Variants in MARK3 observed in about 807,000 individuals in gnomAD.
MARK3 encodes the protein MAP/microtubule affinity-regulating kinase 3.
Under a neutral mutation model 90.1 loss-of-function variants are expected in MARK3, and 46 were observed. That is an observed-to-expected ratio of 0.51 (90% CI 0.40 to 0.65). MARK3 has a LOEUF of 0.65. Among genes scored for constraint, MARK3 ranks in the 30% least tolerant of loss-of-function variants. The probability of loss-of-function intolerance (pLI) is 0.00; values close to 1 mark genes in which losing one functional copy is unlikely to be tolerated. For synonymous variants in MARK3, 321 were observed against 332.6 expected, an observed-to-expected ratio of 0.97 and a Z score of 0.38; for missense variants, 818 against 947.2, an observed-to-expected ratio of 0.86 and a Z score of 1.79.
chr14:103,399,532 C>G (rs1438915388), intron 1 of MARK3, among the ~76,000 whole-genome samples: 1 of 151,734 alleles, frequency 6.6e-6, no homozygotes, highest in Non-Finnish European at 1.5e-5. Flanking sequence ...CTCGTCTCTA[C>G]TAAAAATACG....
At chr14:103,460,423 G>A (rs561935099) in intron 6 of MARK3, among the ~76,000 whole-genome samples, 1 of 152,102 alleles carries the variant, frequency 6.6e-6, no homozygotes, top group East Asian at 1.9e-4. Context: ...TTGGTGGGCT[G>A]GTAATATTGA....
At chr14:103,391,746 T>A in intron 1 of MARK3, among the ~76,000 whole-genome samples, 1 of 128,230 alleles carries the variant, frequency 7.8e-6, no homozygotes, top group African/African-American at 3.1e-5. Context: ...TTAGTAGAGA[T>A]GGGGTTTCGC....
At chr14:103,399,120 T>C (rs377749170) in intron 1 of MARK3, among the ~76,000 whole-genome samples, 2 of 152,200 alleles carry the variant, frequency 1.3e-5, no homozygotes, top group East Asian at 3.8e-4. Flanking sequence ...TGGAACCATA[T>C]TGATGTTAAA....
At chr14:103,446,545 G>A (rs1371077695) in intron 3 of MARK3, among the ~76,000 whole-genome samples, 1 of 151,826 alleles carries the variant, frequency 6.6e-6, no homozygotes, top group African/African-American at 2.4e-5. Flanking sequence ...TAAACAAACA[G>A]TATGTTCTAG....
intron 3 of MARK3, among the ~76,000 whole-genome samples, chr14:103,439,575 A>T (rs1014404283): frequency 6.6e-6 from 1 of 151,882 alleles, no homozygotes; most frequent in Non-Finnish European, 1.5e-5. Flanking sequence ...CACCCAGCTA[A>T]TTTTTGTATT....
At chr14:103,421,588 A>G (rs1290184942) in intron 2 of MARK3, among the ~76,000 whole-genome samples, 1 of 152,210 alleles carries the variant, frequency 6.6e-6, no homozygotes, top group Admixed American at 6.5e-5. Context: ...ACACTGGGAC[A>G]TTCCACACAC....
intron 3 of MARK3, among the ~76,000 whole-genome samples, chr14:103,442,074 A>C (rs1176290503): frequency 6.6e-6 from 1 of 152,120 alleles, no homozygotes; most frequent in Non-Finnish European, 1.5e-5. Flanking sequence ...ATCTTAATAT[A>C]CAGCACCTCC....
chr14:103,465,168 ATG>A (rs2093479395), intron 7 of MARK3, among the ~76,000 whole-genome samples: 1 of 152,168 alleles, frequency 6.6e-6, no homozygotes, highest in Non-Finnish European at 1.5e-5. Flanking sequence ...GGGTATCACC[ATG>A]TTGGCCAGGC....
intron 3 of MARK3, among the ~76,000 whole-genome samples, chr14:103,445,330 G>A (rs1162123580): frequency 6.6e-6 from 1 of 152,166 alleles, no homozygotes; most frequent in Non-Finnish European, 1.5e-5. Context: ...GTCAGACACA[G>A]CAGGCACTAG....
intron 12 of MARK3, among the ~76,000 whole-genome samples, chr14:103,474,190 G>A (rs971868801): frequency 3.9e-5 from 6 of 152,182 alleles, no homozygotes; most frequent in Non-Finnish European, 7.3e-5. Flanking sequence ...GGGCGAGAGA[G>A]CTAGACTCCG....
At chr14:103,442,727 A>ATAC (rs1365023032) in intron 3 of MARK3, among the ~76,000 whole-genome samples, 13 of 152,232 alleles carry the variant, frequency 8.5e-5, no homozygotes, top group Non-Finnish European at 1.8e-4. Flanking sequence ...AACCTATGTA[A>ATAC]TACTGCTTTT....
chr14:103,423,200 C>CTTTTTTTTTTTTTTTTTTTTT lies in MARK3; in HGVS notation c.244-5173_244-5172insTTTTTTTTTTTTTTTTTTTTT, dbSNP rs10529756. 1.4e-4 allele frequency among the ~76,000 whole-genome samples: 13 copies of CTTTTTTTTTTTTTTTTTTTTT among 94,706 alleles called. 3 individuals are homozygous for CTTTTTTTTTTTTTTTTTTTTT. The highest frequency in any genetic ancestry group is 8.1e-3 in the Middle Eastern group (1 of 124). 62.1% of individuals were successfully genotyped at this position (94,706 alleles called of 152,430 possible). On this transcript the variant is annotated intron_variant, in intron 2 of 17. Transcript: ENST00000429436. ...TCTATCCCCCTAGAGGACTTGCAGT[C>CTTTTTTTTTTTTTTTTTTTTT]TTTTTTTTTTTTTTGCCTCCTCTTT...
intron 2 of MARK3, among the ~76,000 whole-genome samples, chr14:103,424,431 G>A (rs1214149885): frequency 1.3e-5 from 2 of 151,648 alleles, no homozygotes; most frequent in Non-Finnish European, 2.9e-5. Flanking sequence ...AGGCTGAGGT[G>A]GGATGATCAC....
intron 2 of MARK3, among the ~76,000 whole-genome samples, chr14:103,407,089 C>T (rs2091346268): frequency 1.3e-5 from 2 of 151,830 alleles, no homozygotes; most frequent in African/African-American, 4.8e-5. Flanking sequence ...CTCAGCCTCC[C>T]ACAGTGCTGG....
chr14:103,437,896 A>T (rs1389722337), intron 3 of MARK3, among the ~76,000 whole-genome samples: 2 of 152,194 alleles, frequency 1.3e-5, no homozygotes, highest in Non-Finnish European at 2.9e-5. Flanking sequence ...TGAGTGGTAC[A>T]GCTGGGTTGG....
At chr14:103,421,024 C>T (rs1331223426) in intron 2 of MARK3, among the ~76,000 whole-genome samples, 2 of 152,144 alleles carry the variant, frequency 1.3e-5, no homozygotes, top group African/African-American at 4.8e-5. Context: ...CTAACACCTG[C>T]ATTTTCTTTG....
rs750395569 is a variant in MARK3 at position 103,448,917 on chromosome 14, A to G, written c.298-2A>G. Reference sequence around the variant, plus strand: ...ATGTGTTTTGTTTGTTTTTTTTTTTAGCTCTTCAGAGAAGTAAGAATAATG... The same window carrying G: ...ATGTGTTTTGTTTGTTTTTTTTTTTGGCTCTTCAGAGAAGTAAGAATAATG... On this transcript the variant is annotated splice_acceptor_variant, in intron 3 of 17. Coordinates refer to ENST00000429436, the MANE Select transcript of MARK3 (RefSeq NM_001128918.3). LOFTEE classifies it high-confidence loss of function. 2 of 1,542,332 alleles carry G rather than the reference A, an allele frequency of 1.3e-6. No individual in the cohort carries two copies. The highest frequency in any genetic ancestry group is 2.0e-5 in the Admixed American group (1 of 49,716).
intron 12 of MARK3, among the ~76,000 whole-genome samples, chr14:103,473,007 G>GAAA (rs35491726): frequency 7.2e-6 from 1 of 138,164 alleles, no homozygotes; most frequent in East Asian, 2.1e-4. Context: ...ACTCCGTCTC[G>GAAA]AAAAAAAAAA....
intron 12 of MARK3, among the ~76,000 whole-genome samples, chr14:103,470,771 T>G (rs2093613432): frequency 6.6e-6 from 1 of 152,120 alleles, no homozygotes; most frequent in African/African-American, 2.4e-5. Context: ...TTTATTTCTC[T>G]TCTCTGGACA....
Sources: allele counts gnomAD v4.1 joint callset (sites outside exome capture counted in the v4.1 genomes callset), GRCh38; gene constraint gnomAD v4.1.1; transcripts MANE v1.5; gene names NCBI Gene and HGNC (gene_info 2026-07-23, HGNC 2026-07-21).